CCDC157: variants seen among roughly 807,000 people sequenced by gnomAD.
The protein encoded by CCDC157 is coiled-coil domain-containing protein 157.
Under a neutral mutation model 70.9 loss-of-function variants are expected in CCDC157, and 60 were observed. The ratio of observed to expected loss-of-function variants is 0.85; its 90% confidence interval spans 0.69 to 1.05. CCDC157 has a LOEUF of 1.05. Ranked by LOEUF, CCDC157 falls within the 50% of genes least tolerant of loss-of-function variation. The pLI is 0.00. For missense variants in CCDC157, 943 were observed against 984.2 expected (o/e 0.96, Z 0.56); for synonymous variants, 373 against 422.4 (o/e 0.88, Z 1.43).
At position 30,370,617 on chromosome 22, in the gene CCDC157, G is replaced by A. The variant is rs1410447638; in HGVS notation, c.712G>A (p.Val238Ile). The part of the protein sequence containing the change: ...QGSLQKVGKV[V>I]ISLCQSQNLP... ...AAGCCTGCAGAAGGTGGGCAAGGTG[G>A]TCATCAGCCTGTGTCAGAGCCAGAA... The change falls in exon 5 of 12, where the codon GTC becomes ATC. Residue 238 changes from valine (V) to isoleucine (I), a missense_variant. Physicochemically the swap from Val to Ile is conservative, Grantham distance 29 (BLOSUM62 3). Transcript: ENST00000338306. The A allele has an allele frequency of 1.2e-6, 2 of 1,613,982 alleles. No individual in the cohort carries two copies. Among genetic ancestry groups the A allele is most frequent in the Non-Finnish European group, 1.7e-6 (2 of 1,180,046 alleles).
At position 30,366,052 on chromosome 22, in the gene CCDC157, C is replaced by T; in HGVS notation, c.52C>T (p.Leu18Phe). 1.9e-6 allele frequency: 3 copies of T among 1,606,474 alleles called. No individual in the cohort carries two copies. The highest frequency in any genetic ancestry group is 2.5e-6 in the Non-Finnish European group (3 of 1,179,796). Reference sequence around the variant, plus strand: ...CTGCATGGAGAGCCTGCGCACAGACCTCACCGACCTGCAGGGTGCCATCGT... The same window carrying T: ...CTGCATGGAGAGCCTGCGCACAGACTTCACCGACCTGCAGGGTGCCATCGT... ...QACMESLRTD[L>F]TDLQGAIVDV... is the part of the protein sequence containing the mutation. The change falls in exon 3 of 12, where the codon CTC becomes TTC. Residue 18 changes from leucine to phenylalanine, a missense_variant. Physicochemically the swap from Leu to Phe is conservative, Grantham distance 22 (BLOSUM62 0). Transcript: ENST00000338306.
intron 9 of CCDC157, 128 bp from the exon 10 acceptor site, chr22:30,375,351 G>A (rs1055145478): frequency 2.5e-6 from 2 of 808,284 alleles, no homozygotes; most frequent in African/African-American, 1.7e-5. Flanking sequence ...CAGGGAAGGG[G>A]GAATAAGGCC....
intron 3 of CCDC157, among the ~76,000 whole-genome samples, chr22:30,367,810 G>C (rs1324040999): frequency 1.3e-5 from 2 of 152,160 alleles, no homozygotes; most frequent in East Asian, 3.9e-4. Context: ...ACTTTGGGAG[G>C]CCGAGGTGGG....
rs1473772976 is a variant in CCDC157 at position 30,366,089 on chromosome 22, C to G, written c.89C>G (p.Ser30Cys). 6.2e-7 allele frequency: 1 copy of G among 1,611,708 alleles called. No individual in the cohort carries two copies. Among genetic ancestry groups the G allele is most frequent in the South Asian group, 1.1e-5 (1 of 91,092 alleles). ...CAGGGTGCCATCGTAGACGTCTTCT[C>G]CCGCGCCGGGCCTGTGCGCTTCCCC... is the stretch of plus-strand genomic sequence containing the variant. ...DLQGAIVDVF[S>C]RAGPVRFPSW... The change falls in exon 3 of 12, where the codon TCC (serine) becomes TGC (cysteine). Residue 30 changes from serine to cysteine, a missense_variant. Physicochemically the swap from Ser to Cys is moderately radical, Grantham distance 112 (BLOSUM62 -1). Transcript: ENST00000338306.
At chr22:30,375,765 C>G in intron 10 of CCDC157, 102 bp downstream of exon 10, 9 of 964,684 alleles carry the variant, frequency 9.3e-6, no homozygotes, top group South Asian at 3.4e-5. Context: ...CCCACCTCAT[C>G]ACATGAGGCC....
intron 1 of CCDC157, among the ~76,000 whole-genome samples, chr22:30,358,986 T>G (rs1932147179): frequency 6.6e-6 from 1 of 152,218 alleles, no homozygotes; most frequent in East Asian, 1.9e-4. Context: ...TTCCTGACAC[T>G]TGGGCATTTG....
chr22:30,377,812 A>T lies in CCDC157; in HGVS notation c.*1067A>T. On this transcript the variant is annotated 3_prime_UTR_variant, in exon 12 of 12. Coordinates refer to ENST00000338306, the MANE Select transcript of CCDC157 (RefSeq NM_001017437.5). ...GCCTGTGCTCAAGTCCAGGGGAAGGACCTCACAGCTGAGTAGCTCTCTCAG... is the reference window on the plus strand; with the variant it reads ...GCCTGTGCTCAAGTCCAGGGGAAGGTCCTCACAGCTGAGTAGCTCTCTCAG... 3 of 272,926 alleles carry T rather than the reference A, an allele frequency of 1.1e-5. No homozygotes were observed. The highest frequency in any genetic ancestry group is 2.2e-5 in the Non-Finnish European group (3 of 134,124). 16.9% of individuals were successfully genotyped at this position (272,926 alleles called of 1,614,324 possible). A position where few individuals can be genotyped will look rare whatever the true frequency, so the allele number is the denominator to read the frequency against.
In CCDC157 at chr22:30,375,641, T is replaced by G. The variant is rs762684793; in HGVS notation, c.1835T>G (p.Val612Gly). Residue 612 changes from valine (V) to glycine (G), a missense_variant, in exon 10 of 12, where the codon GTG becomes GGG. Transcript: ENST00000338306. ...TCAATGCTGTCCAAAATCCGGGAAG[T>G]GGCCCAGCAGGGTGGCCTCAAGGTG... Reference protein sequence around the residue: ...LQSMLSKIREVAQQGGLKLIP... With the variant: ...LQSMLSKIREGAQQGGLKLIP... 3.7e-6 allele frequency: 6 copies of G among 1,613,678 alleles called. No homozygotes were observed. The highest frequency in any genetic ancestry group is 1.3e-5 in the African/African-American group (1 of 74,904).
At chr22:30,356,840 T>A (rs1289259756), upstream of CCDC157, 3 of 1,295,084 alleles carry the variant, frequency 2.3e-6, no homozygotes, top group Non-Finnish European at 3.0e-6. Context: ...CGGTGAGCGG[T>A]GCCGCCTCAA....
In CCDC157 at chr22:30,371,652, AC is replaced by A; in HGVS notation, c.1049del (p.Thr350LysfsTer4). On this transcript the variant is annotated frameshift_variant, in exon 6 of 12. Coordinates refer to ENST00000338306, the MANE Select transcript of CCDC157 (RefSeq NM_001017437.5). LOFTEE classifies it high-confidence loss of function. ...GGCCTCTCTCTTGGCTGCCATAGAA[AC>A]AAGTGACCTAAAGACAAAGATGGCC... ...EHDKQQLLTE[T>X]SDLKTKMATL... The A allele has an allele frequency of 6.2e-7, 1 of 1,613,966 alleles. No homozygotes were observed. Among genetic ancestry groups the A allele is most frequent in the Non-Finnish European group, 8.5e-7 (1 of 1,179,824 alleles).
chr22:30,359,570 C>T (rs764627535), intron 1 of CCDC157, among the ~76,000 whole-genome samples: 4 of 152,264 alleles, frequency 2.6e-5, no homozygotes, highest in East Asian at 1.9e-4. Flanking sequence ...CCCTCTGCAC[C>T]GTCCAATACA....
chr22:30,369,877 C>A (rs559201614), intron 4 of CCDC157: 157 of 472,446 alleles, frequency 3.3e-4, no homozygotes, highest in African/African-American at 2.6e-3. Context: ...TTCATCTATA[C>A]AACGGAGGTC....
intron 1 of CCDC157, among the ~76,000 whole-genome samples, chr22:30,359,367 G>A (rs577719898): frequency 3.3e-5 from 5 of 152,316 alleles, no homozygotes; most frequent in South Asian, 4.1e-4. Flanking sequence ...GGGCAGACAC[G>A]TATCCCTTGG....
intron 2 of CCDC157, among the ~76,000 whole-genome samples, chr22:30,365,777 T>C (rs1932680154): frequency 6.6e-6 from 1 of 152,068 alleles, no homozygotes; most frequent in Non-Finnish European, 1.5e-5. Flanking sequence ...CTCTGCAGTA[T>C]GTGCTTGGGG....
In CCDC157 at chr22:30,376,759, G is replaced by T; in HGVS notation, c.*14G>T. ...CGGCCCATGTAGCCTGTGGCCCAGG[G>T]CTGAGGCTGGATGGGAGGTGGCTGG... On this transcript the variant is annotated 3_prime_UTR_variant, in exon 12 of 12. Transcript: ENST00000338306. The T allele has an allele frequency of 6.2e-7, 1 of 1,601,308 alleles. No individual in the cohort carries two copies.
intron 3 of CCDC157, 95 bp from the exon 4 acceptor site, chr22:30,369,337 T>C (rs1196784516): frequency 9.5e-6 from 11 of 1,157,118 alleles, no homozygotes; most frequent in Non-Finnish European, 1.3e-5. Flanking sequence ...TCTTGATGCC[T>C]GGGCCAGTTC....
intron 2 of CCDC157, among the ~76,000 whole-genome samples, chr22:30,363,469 G>C (rs1210323107): frequency 6.6e-6 from 1 of 151,952 alleles, no homozygotes; most frequent in Non-Finnish European, 1.5e-5. Flanking sequence ...CTCCTTTAAT[G>C]CCTTCACAAC....
intron 9 of CCDC157, chr22:30,374,768 C>T (rs536391322): frequency 1.1e-5 from 5 of 455,752 alleles, no homozygotes; most frequent in East Asian, 7.0e-5. Context: ...GCAATTCTCC[C>T]GGGCTCCTGG....
chr22:30,370,916 T>C lies in CCDC157; in HGVS notation c.1011T>C (p.Ser337=), dbSNP rs150773011. The change falls in exon 5 of 12, where the codon TCT becomes TCC. Residue 337 remains serine, a synonymous_variant. Coordinates refer to ENST00000338306, the MANE Select transcript of CCDC157 (RefSeq NM_001017437.5). ...CGGAGGAGGATGAGCAGTGCCTGTC[T>C]GAGTGGGAGCACGACAAACAGCAGC... ...RQAEEDEQCL[S]EWEHDKQQLL... 606 of 1,610,386 alleles carry C rather than the reference T, an allele frequency of 3.8e-4. 3 individuals carry two copies. The African/African-American group carries it at 7.1e-3, about 19-fold the overall frequency.
Sources: allele counts gnomAD v4.1 joint callset (sites outside exome capture counted in the v4.1 genomes callset), GRCh38; gene constraint gnomAD v4.1.1; transcripts MANE v1.5; gene names NCBI Gene and HGNC (gene_info 2026-07-23, HGNC 2026-07-21).